The following PTGER3 variants were observed in gnomAD, a reference collection of about 807,000 sequenced individuals.
PTGER3 encodes prostaglandin E2 receptor EP3 subtype.
PTGER3 carries 22 observed loss-of-function variants against 34.7 expected under a neutral mutation model. That is an observed-to-expected ratio of 0.63 (90% CI 0.45 to 0.91). The LOEUF (loss-of-function observed/expected upper bound fraction) is 0.91. Among genes scored for constraint, PTGER3 ranks in the 40% least tolerant of loss-of-function variants. The probability of loss-of-function intolerance (pLI) is 0.00; values close to 1 mark genes in which losing one functional copy is unlikely to be tolerated. For missense variants in PTGER3, 468 were observed against 519.4 expected, an observed-to-expected ratio of 0.90 and a Z score of 0.96; for synonymous variants, 241 against 230.1, an observed-to-expected ratio of 1.05 and a Z score of -0.43.
intron 4 of PTGER3, among the ~76,000 whole-genome samples, chr1:70,941,993 C>A (rs1480294569): frequency 6.6e-6 from 1 of 152,112 alleles, no homozygotes; most frequent in East Asian, 1.9e-4. Flanking sequence ...GACGACAGCT[C>A]CTATGTACAA....
At chr1:70,862,253 T>TA (rs35755252) in intron 4 of PTGER3, 308,703 of 944,652 alleles carry the variant, frequency 0.33, 43,299 homozygotes, top group Admixed American at 0.45. Context: ...ACATACTAAG[T>TA]AAAAAAAAAT....
At chr1:70,985,829 C>T (rs1572857454) in intron 2 of PTGER3, among the ~76,000 whole-genome samples, 1 of 152,104 alleles carries the variant, frequency 6.6e-6, no homozygotes, top group South Asian at 2.1e-4. Flanking sequence ...ACAGTAGTGA[C>T]GGTCTCAAGT....
At chr1:70,956,345 C>CA (rs1293823266) in intron 2 of PTGER3, among the ~76,000 whole-genome samples, 1 of 150,418 alleles carries the variant, frequency 6.6e-6, no homozygotes, top group Non-Finnish European at 1.5e-5. Flanking sequence ...AGTGTTGATA[C>CA]AAAAAGAACT....
intron 2 of PTGER3, among the ~76,000 whole-genome samples, chr1:70,954,545 G>T (rs1258264860): frequency 1.3e-5 from 2 of 152,108 alleles, no homozygotes; most frequent in Admixed American, 6.6e-5. Context: ...TAAGATCTTT[G>T]TCATAGATGA....
At chr1:70,882,235 T>C (rs754875558) in intron 4 of PTGER3, among the ~76,000 whole-genome samples, 4 of 152,162 alleles carry the variant, frequency 2.6e-5, no homozygotes, top group Non-Finnish European at 4.4e-5. Context: ...GTGTGTGGTG[T>C]CACCCACCCT....
At chr1:70,920,397 T>G (rs1647409874) in intron 4 of PTGER3, among the ~76,000 whole-genome samples, 1 of 152,186 alleles carries the variant, frequency 6.6e-6, no homozygotes, top group Non-Finnish European at 1.5e-5. Context: ...GTTCAGGACT[T>G]CACTTCAAGG....
At chr1:71,017,007 A>C (rs1261788344) in intron 1 of PTGER3, among the ~76,000 whole-genome samples, 4 of 152,018 alleles carry the variant, frequency 2.6e-5, no homozygotes, top group Non-Finnish European at 4.4e-5. Flanking sequence ...GCTACCCCCC[A>C]TCATAGAAGG....
At chr1:70,897,652 C>T (rs1646749496) in intron 4 of PTGER3, among the ~76,000 whole-genome samples, 1 of 152,164 alleles carries the variant, frequency 6.6e-6, no homozygotes, top group Non-Finnish European at 1.5e-5. Context: ...TTCTTCCAGT[C>T]CTCTTTGCCT....
At chr1:70,927,071 G>A (rs976849797) in intron 4 of PTGER3, among the ~76,000 whole-genome samples, 83 of 151,812 alleles carry the variant, frequency 5.5e-4, no homozygotes, top group African/African-American at 2.0e-3. Flanking sequence ...TGTGCTTCTG[G>A]ATTCAGTTTG....
intron 2 of PTGER3, chr1:71,005,937 G>T: frequency 1.5e-6 from 1 of 655,152 alleles, no homozygotes; most frequent in Non-Finnish European, 1.9e-6. Flanking sequence ...GCGATGTTTC[G>T]ATACATATAA....
At chr1:70,858,219 G>A (rs1307751676) in intron 4 of PTGER3, among the ~76,000 whole-genome samples, 1 of 76,126 alleles carries the variant, frequency 1.3e-5, no homozygotes, top group Non-Finnish European at 2.6e-5. Flanking sequence ...TTTTTTTTTT[G>A]GTACAACATA....
rs369802060 is a variant in PTGER3 at position 70,917,201 on chromosome 1, C to G, written c.*23+36562G>C. 1.3e-3 allele frequency among the ~76,000 whole-genome samples: 196 copies of G among 151,696 alleles called. 1 individual carries two copies. The highest frequency in any genetic ancestry group is 4.3e-3 in the African/African-American group (176 of 41,406). On this transcript the variant is annotated intron_variant, in intron 4 of 4. Transcript: ENST00000370931. The stretch of plus-strand genomic sequence containing the variant: ...GTCCCCCTGCAACCCCCGCTTTCCC[C>G]CTCTCTCCTCAGTCTCTGGTTACTA...
intron 4 of PTGER3, among the ~76,000 whole-genome samples, chr1:70,904,690 C>T (rs1646909002): frequency 6.6e-6 from 1 of 152,176 alleles, no homozygotes; most frequent in Non-Finnish European, 1.5e-5. Context: ...AGCAGCAAAG[C>T]ATTCAAGATG....
chr1:70,998,875 G>A (rs2100803970), intron 2 of PTGER3, among the ~76,000 whole-genome samples: 1 of 152,212 alleles, frequency 6.6e-6, no homozygotes, highest in African/African-American at 2.4e-5. Context: ...CGGTGGATAA[G>A]TACCATATTT....
intron 4 of PTGER3, among the ~76,000 whole-genome samples, chr1:70,893,640 G>A (rs79226092): frequency 2.7e-5 from 2 of 75,408 alleles, no homozygotes; most frequent in Admixed American, 2.5e-4. Flanking sequence ...CCTTTTACAT[G>A]AGTAAGAACT....
At chr1:70,915,398 G>C (rs944907624) in intron 4 of PTGER3, among the ~76,000 whole-genome samples, 2 of 151,702 alleles carry the variant, frequency 1.3e-5, no homozygotes, top group African/African-American at 2.4e-5. Context: ...GAATCACAAA[G>C]ACCTTAAAAA....
intron 2 of PTGER3, among the ~76,000 whole-genome samples, chr1:70,983,371 G>A (rs1006755157): frequency 9.2e-5 from 14 of 151,988 alleles, no homozygotes; most frequent in Admixed American, 2.0e-4. Context: ...AGTACCACTT[G>A]ATTATCAGTT....
intron 2 of PTGER3, among the ~76,000 whole-genome samples, chr1:70,978,283 T>C (rs1416310442): frequency 2.0e-5 from 3 of 152,198 alleles, no homozygotes; most frequent in South Asian, 2.1e-4. Context: ...TATACCTGTA[T>C]TGCATATTAA....
chr1:70,908,068 C>G (rs1003261362), intron 4 of PTGER3, among the ~76,000 whole-genome samples: 3 of 152,164 alleles, frequency 2.0e-5, no homozygotes, highest in African/African-American at 7.2e-5. Flanking sequence ...TCGGCACTTG[C>G]ATTCCTTTCA....
Sources: gnomAD v4.1 joint callset for allele counts (sites outside exome capture counted in the v4.1 genomes callset) on GRCh38, gnomAD v4.1.1 for gene constraint, MANE v1.5 for transcripts, NCBI Gene and HGNC (gene_info 2026-07-23, HGNC 2026-07-21) for gene names.